The following DISC1 variants were observed in gnomAD, a reference collection of about 807,000 sequenced individuals.
The protein encoded by DISC1 is disrupted in schizophrenia 1 protein.
In DISC1, 57 loss-of-function variants were observed where a neutral mutation model predicts 84.5. The ratio of observed to expected loss-of-function variants is 0.67; its 90% CI spans 0.55 to 0.84. The LOEUF (loss-of-function observed/expected upper bound fraction) is 0.84, where lower values mean the gene tolerates loss of function less well. Among genes scored for constraint, DISC1 ranks in the 40% least tolerant of loss-of-function variants. The pLI, the probability that DISC1 is intolerant of heterozygous loss-of-function variation, is 0.00. For missense variants in DISC1, 1,000 were observed against 1,057.8 expected, an observed-to-expected ratio of 0.95 and a Z score of 0.76; for synonymous variants, 411 against 415.2, an observed-to-expected ratio of 0.99 and a Z score of 0.12.
chr1:231,811,897 A>G (rs1019125198), intron 8 of DISC1, among the ~76,000 whole-genome samples: 8 of 152,220 alleles, frequency 5.3e-5, no homozygotes, highest in Middle Eastern at 3.2e-3. Flanking sequence ...GAAATCAAGG[A>G]CAATCATTAA....
At chr1:231,678,276 C>T (rs1337349849) in intron 1 of DISC1, among the ~76,000 whole-genome samples, 2 of 152,164 alleles carry the variant, frequency 1.3e-5, no homozygotes, top group South Asian at 2.1e-4. Context: ...TCAAAGAGGA[C>T]GAATGTGTTA....
intron 9 of DISC1, among the ~76,000 whole-genome samples, chr1:231,901,866 C>G (rs998432105): frequency 1.3e-5 from 2 of 152,056 alleles, no homozygotes; most frequent in Non-Finnish European, 2.9e-5. Context: ...CTGCCTTTGC[C>G]TTGTATCTTA....
intron 10 of DISC1, among the ~76,000 whole-genome samples, chr1:231,995,332 T>A (rs956007345): frequency 5.3e-5 from 8 of 151,882 alleles, no homozygotes; most frequent in African/African-American, 1.9e-4. Flanking sequence ...TTTCTTTTTT[T>A]ATTTATTTTA....
intron 9 of DISC1, among the ~76,000 whole-genome samples, chr1:231,952,206 C>T (rs1658553938): frequency 6.6e-6 from 1 of 151,808 alleles, no homozygotes; most frequent in Admixed American, 6.6e-5. Context: ...CCTGTTACCA[C>T]TTATTAAATC....
At chr1:231,927,854 C>T (rs1357996003) in intron 9 of DISC1, among the ~76,000 whole-genome samples, 1 of 152,224 alleles carries the variant, frequency 6.6e-6, no homozygotes, top group African/African-American at 2.4e-5. Flanking sequence ...AACACCTATA[C>T]CTGGCTGGAC....
chr1:231,872,085 C>T (rs983688893), intron 9 of DISC1, among the ~76,000 whole-genome samples: 13 of 152,182 alleles, frequency 8.5e-5, no homozygotes, highest in African/African-American at 2.7e-4. Context: ...AGCCTTCAGT[C>T]GGTGAACAGC....
In DISC1 at chr1:231,714,582, TG is replaced by T. The variant is rs766879011; in HGVS notation, c.1117+12563del. On this transcript the variant is annotated intron_variant, in intron 3 of 12. Coordinates refer to ENST00000439617, the MANE Select transcript of DISC1 (RefSeq NM_018662.3). ...AGAGAAAGAGACAGAGAGATGGAGA[TG>T]GGGGAGAGAGACAGAAAGAGAGAAG... Among the ~76,000 whole-genome samples, 2 of 148,792 alleles carry T rather than the reference TG, an allele frequency of 1.3e-5. 1 individual carries two copies. Among genetic ancestry groups the T allele is most frequent in the South Asian group, 4.3e-4 (2 of 4,704 alleles).
At chr1:231,865,151 G>A (rs1334149262) in intron 9 of DISC1, among the ~76,000 whole-genome samples, 1 of 152,202 alleles carries the variant, frequency 6.6e-6, no homozygotes, top group African/African-American at 2.4e-5. Flanking sequence ...AGGTGAGCTG[G>A]AGCCAGAACC....
chr1:231,798,460 AC>A (rs1254992532), intron 7 of DISC1, among the ~76,000 whole-genome samples: 37 of 152,310 alleles, frequency 2.4e-4, no homozygotes, highest in African/African-American at 8.2e-4. Flanking sequence ...ATTAACAGAT[AC>A]TGTTCACTAA....
intron 9 of DISC1, among the ~76,000 whole-genome samples, chr1:231,820,516 A>G (rs949971127): frequency 6.6e-6 from 1 of 152,186 alleles, no homozygotes; most frequent in Non-Finnish European, 1.5e-5. Context: ...AAAGATTTTG[A>G]TTTCCAACAA....
chr1:231,766,018 G>A (rs796926612), intron 4 of DISC1, among the ~76,000 whole-genome samples: 13 of 152,094 alleles, frequency 8.5e-5, no homozygotes, highest in African/African-American at 2.7e-4. Context: ...GGCCAGGTGC[G>A]ATGACTCACA....
intron 11 of DISC1, among the ~76,000 whole-genome samples, chr1:232,012,331 T>C (rs1206471940): frequency 6.6e-6 from 1 of 152,160 alleles, no homozygotes; most frequent in African/African-American, 2.4e-5. Flanking sequence ...AGAGAAAGGT[T>C]TAACGAAGGA....
At chr1:231,784,525 G>T (rs1004901753) in intron 6 of DISC1, among the ~76,000 whole-genome samples, 1 of 152,172 alleles carries the variant, frequency 6.6e-6, no homozygotes, top group African/African-American at 2.4e-5. Flanking sequence ...CTTGGCCAGA[G>T]AGAAAAACTC....
At chr1:231,747,973 G>T (rs1012665155) in intron 3 of DISC1, among the ~76,000 whole-genome samples, 3 of 151,666 alleles carry the variant, frequency 2.0e-5, no homozygotes, top group African/African-American at 7.3e-5. Context: ...TTTATTTCTA[G>T]GTATTTTAAT....
At chr1:231,703,773 T>C (rs1412891245) in intron 3 of DISC1, among the ~76,000 whole-genome samples, 1 of 152,194 alleles carries the variant, frequency 6.6e-6, no homozygotes, top group Non-Finnish European at 1.5e-5. Context: ...TTCTTTAGTG[T>C]TTCTGCCTTT....
In DISC1 at chr1:231,721,081, T is replaced by A. The variant is rs569275829; in HGVS notation, c.1117+19057T>A. The stretch of plus-strand genomic sequence containing the variant: ...CTTTTTTCCAGAGCCAGGTCTGTCC[T>A]GATGTGAGAAATGATGTCCTCATCT... On this transcript the variant is annotated intron_variant, in intron 3 of 12. Transcript: ENST00000439617. 1.0e-5 allele frequency: 13 copies of A among 1,290,762 alleles called. No individual in the cohort carries two copies. The East Asian group carries it at 5.0e-4, about 50-fold the overall frequency. The allele number at this position is 1,290,762 out of a possible 1,614,324, so 80.0% of individuals were successfully genotyped here.
intron 1 of DISC1, among the ~76,000 whole-genome samples, chr1:231,637,582 G>A (rs896621059): frequency 6.6e-6 from 1 of 151,648 alleles, no homozygotes; most frequent in South Asian, 2.1e-4. Context: ...ACTTGTAGGT[G>A]AGACCATGTG....
intron 9 of DISC1, among the ~76,000 whole-genome samples, chr1:231,952,795 TACAA>T (rs1376559714): frequency 6.6e-6 from 1 of 151,640 alleles, no homozygotes; most frequent in Admixed American, 6.6e-5. Context: ...CCCTACATTT[TACAA>T]ACAATGAGAT....
intron 9 of DISC1, among the ~76,000 whole-genome samples, chr1:231,885,027 T>C (rs2086583038): frequency 6.6e-6 from 1 of 152,212 alleles, no homozygotes; most frequent in Non-Finnish European, 1.5e-5. Flanking sequence ...TTATTAATAG[T>C]TCACCATGCT....
Sources: allele counts gnomAD v4.1 joint callset (sites outside exome capture counted in the v4.1 genomes callset), GRCh38; gene constraint gnomAD v4.1.1; transcripts MANE v1.5; gene names NCBI Gene and HGNC (gene_info 2026-07-23, HGNC 2026-07-21).